YLPM1: variants seen among roughly 807,000 people sequenced by gnomAD.
The protein encoded by YLPM1 is YLP motif containing 1, also known as YLP motif-containing protein 1.
Under a neutral mutation model 230.0 loss-of-function variants are expected in YLPM1, and 99 were observed. The observed-to-expected ratio is 0.43, with a 90% CI of 0.37 to 0.51. YLPM1 has a LOEUF of 0.51. Ranked by LOEUF, YLPM1 falls within the 20% of genes least tolerant of loss-of-function variation. The pLI is 0.00. For missense variants in YLPM1, 2,592 were observed against 2,707.7 expected, an observed-to-expected ratio of 0.96 and a Z score of 0.95; for synonymous variants, 984 against 942.5, an observed-to-expected ratio of 1.04 and a Z score of -0.81.
In YLPM1 at chr14:74,805,425, C is replaced by T. The variant is rs149747687; in HGVS notation, c.4521+2749C>T. Among the ~76,000 whole-genome samples, 889 of 151,968 alleles carry T rather than the reference C, an allele frequency of 5.8e-3. 12 individuals carry two copies. The highest frequency in any genetic ancestry group is 0.021 in the African/African-American group (857 of 41,424). On this transcript the variant is annotated intron_variant, in intron 6 of 20. Transcript: ENST00000325680. Reference sequence around the variant, plus strand: ...GTGGTACAATCATAGCTCACTGGAGCCTCAAACTCCTGGGCTCAAGTGATT... The same window carrying T: ...GTGGTACAATCATAGCTCACTGGAGTCTCAAACTCCTGGGCTCAAGTGATT...
chr14:74,812,823 A>C (rs1485497636), intron 11 of YLPM1, 41 bp downstream of exon 11: 1 of 1,581,664 alleles, frequency 6.3e-7, no homozygotes, highest in Middle Eastern at 1.7e-4. Context: ...GCAAACCAGA[A>C]GATAAGAGAT....
chr14:74,780,133 G>T (rs1488047593), intron 2 of YLPM1, among the ~76,000 whole-genome samples: 1 of 151,962 alleles, frequency 6.6e-6, no homozygotes, highest in Admixed American at 6.6e-5. Context: ...GAAAATTGTT[G>T]TCATATTTAG....
Position 74,810,245 on chromosome 14 carries a change from C to T in YLPM1, c.5053C>T (p.Arg1685Cys), listed in dbSNP as rs375972308. The T allele has an allele frequency of 1.1e-4, 181 of 1,613,290 alleles. No individual in the cohort carries two copies. Among genetic ancestry groups the T allele is most frequent in the Non-Finnish European group, 1.4e-4 (168 of 1,179,764 alleles). ...FETEHAGQRD[R>C]YDRERDREPY... Reference sequence around the variant, plus strand: ...TGTAGAGCATGCAGGCCAACGTGATCGTTATGATAGAGAAAGAGATCGTGA... The same window carrying T: ...TGTAGAGCATGCAGGCCAACGTGATTGTTATGATAGAGAAAGAGATCGTGA... The change falls in exon 9 of 21, where the codon CGT (arginine) becomes TGT (cysteine). Residue 1685 changes from arginine to cysteine, a missense_variant. Arg to Cys is a radical substitution (Grantham distance 180). Transcript: ENST00000325680.
At chr14:74,793,460 T>A (rs1450345733) in intron 4 of YLPM1, among the ~76,000 whole-genome samples, 1 of 152,212 alleles carries the variant, frequency 6.6e-6, no homozygotes, top group Admixed American at 6.5e-5. Flanking sequence ...TGATCTTTTT[T>A]ATAAATAGCA....
In YLPM1 at chr14:74,781,692, C is replaced by G; in HGVS notation, c.1649C>G (p.Ala550Gly). The G allele has an allele frequency of 6.2e-7, 1 of 1,612,978 alleles. No homozygotes were observed. Among genetic ancestry groups the G allele is most frequent in the Non-Finnish European group, 8.5e-7 (1 of 1,179,606 alleles). ...TTGCCACCACCAGTGATGCCCCCTG[C>G]CCTCCCTGCTACAGTGCCACCACCT... ...PSLPPPVMPP[A>G]LPATVPPPGM... The change falls in exon 4 of 21, where the codon GCC becomes GGC. Residue 550 changes from alanine (A) to glycine (G), a missense_variant. By Grantham distance (60) the Ala-to-Gly change is moderately conservative (BLOSUM62 0). Coordinates refer to ENST00000325680, the MANE Select transcript of YLPM1 (RefSeq NM_019589.3).
chr14:74,766,560 C>T (rs181688164), intron 1 of YLPM1, among the ~76,000 whole-genome samples: 140 of 151,796 alleles, frequency 9.2e-4, no homozygotes, highest in Middle Eastern at 3.5e-3. Context: ...AGTCTCAGTT[C>T]ACTGCAACCT....
chr14:74,776,446 C>T (rs2091039411), intron 1 of YLPM1, among the ~76,000 whole-genome samples: 1 of 152,296 alleles, frequency 6.6e-6, no homozygotes, highest in East Asian at 1.9e-4. Context: ...ACAAAGCTGA[C>T]CTAACACAGA....
rs563933548 is a variant in YLPM1, at chr14:74,826,670, G to A, written c.6163+2363G>A. Among the ~76,000 whole-genome samples, 10 of 152,332 alleles carry A rather than the reference G, an allele frequency of 6.6e-5. No individual in the cohort carries two copies. In the East Asian group the frequency reaches 1.9e-3, roughly 29 times the overall value. ...TGTGCCTGAATGTTAAATTGGAAGT[G>A]ATGTGATTTTTAGAACAGTTCAGAA... is the stretch of plus-strand genomic sequence containing the variant. On this transcript the variant is annotated intron_variant, in intron 18 of 20. Coordinates refer to ENST00000325680, the MANE Select transcript of YLPM1 (RefSeq NM_019589.3).
intron 19 of YLPM1, chr14:74,834,790 T>G (rs1344227378): frequency 6.4e-6 from 1 of 156,952 alleles, no homozygotes; most frequent in African/African-American, 2.4e-5. Flanking sequence ...GAAAGTGTAG[T>G]TGGGGCCAGA....
intron 6 of YLPM1, among the ~76,000 whole-genome samples, chr14:74,804,881 A>T (rs1421067936): frequency 6.6e-6 from 1 of 152,076 alleles, no homozygotes; most frequent in Non-Finnish European, 1.5e-5. Context: ...ATGCTATATT[A>T]TTTTTTGATT....
intron 19 of YLPM1, among the ~76,000 whole-genome samples, chr14:74,831,646 G>C (rs17782749): frequency 0.15 from 22,406 of 152,138 alleles, 1,807 homozygotes; most frequent in South Asian, 0.29. Context: ...TCCTCTTTAA[G>C]TCTCCTCCCC....
At chr14:74,796,167 A>G (rs1021155742) in intron 4 of YLPM1, among the ~76,000 whole-genome samples, 2 of 152,232 alleles carry the variant, frequency 1.3e-5, no homozygotes, top group Non-Finnish European at 2.9e-5. Flanking sequence ...GAAGACCACC[A>G]GTAGTCTCTG....
At chr14:74,825,098 G>A (rs1246215233) in intron 18 of YLPM1, among the ~76,000 whole-genome samples, 1 of 152,132 alleles carries the variant, frequency 6.6e-6, no homozygotes, top group Non-Finnish European at 1.5e-5. Flanking sequence ...ACTGATGTAT[G>A]AAGTATGACT....
chr14:74,809,225 AT>A lies in YLPM1; in HGVS notation c.4522-147del, dbSNP rs199916917. Among the ~76,000 whole-genome samples, 1,503 of 150,944 alleles carry A rather than the reference AT, an allele frequency of 1.0e-2. 24 individuals carry two copies. The highest frequency in any genetic ancestry group is 0.034 in the African/African-American group (1,399 of 41,188). On this transcript the variant is annotated intron_variant, in intron 6 of 20. Transcript: ENST00000325680. ...TTCTCCCTTTCTGTGGCTTGTCCTC[AT>A]TTTTTTTGATGGTATGTTTTGAAGC...
chr14:74,812,410 A>C (rs1298008134), intron 10 of YLPM1, among the ~76,000 whole-genome samples: 1 of 152,210 alleles, frequency 6.6e-6, no homozygotes, highest in African/African-American at 2.4e-5. Flanking sequence ...AGTGTTTTGC[A>C]GAACATTCTA....
intron 5 of YLPM1, among the ~76,000 whole-genome samples, chr14:74,802,174 C>T (rs7154094): frequency 0.029 from 4,364 of 148,532 alleles, 143 homozygotes; most frequent in African/African-American, 0.08. Context: ...GCTGAGATCG[C>T]GCCATTGCAC....
chr14:74,821,880 G>T (rs1195970191), intron 17 of YLPM1: 3 of 152,142 alleles, frequency 2.0e-5, no homozygotes, highest in Non-Finnish European at 4.4e-5. Flanking sequence ...ATATTACTCG[G>T]TTTATTTAAT....
rs1464594312 is a variant in YLPM1, at chr14:74,798,955, G to A, written c.3658G>A (p.Asp1220Asn). ...NAPMERERLD[D>N]WDRERYWREC... ...TCCAATGGAACGAGAAAGACTCGAT[G>A]ACTGGGATAGAGAGAGATACTGGAG... Residue 1220 changes from aspartate (D) to asparagine (N), a missense_variant, in exon 5 of 21, where the codon GAC becomes AAC. Transcript: ENST00000325680. 6.2e-7 allele frequency: 1 copy of A among 1,613,802 alleles called. No homozygotes were observed. The highest frequency in any genetic ancestry group is 1.1e-5 in the South Asian group (1 of 91,054).
At position 74,764,228 on chromosome 14, in the gene YLPM1, C is replaced by G. The variant is rs1326090319; in HGVS notation, c.739C>G (p.Pro247Ala). ...CCATTCTAAATCCCAACTACTAGCT[C>G]CACCACCACCGTCCGCCCCCCCTGG... is the stretch of plus-strand genomic sequence containing the variant. Reference protein sequence around the residue: ...QGHSKSQLLAPPPPSAPPGNK... With the variant: ...QGHSKSQLLAAPPPSAPPGNK... Residue 247 changes from proline (P) to alanine (A), a missense_variant, in exon 1 of 21, where the codon CCA becomes GCA. This residue lies in a region of YLPM1 where 1,862 missense variants were observed against 1,819.8 expected (regional missense o/e 1.02). Transcript: ENST00000325680. 22 of 1,613,878 alleles carry G rather than the reference C, an allele frequency of 1.4e-5. No individual in the cohort carries two copies. Among genetic ancestry groups the G allele is most frequent in the Non-Finnish European group, 1.9e-5 (22 of 1,179,880 alleles).
Sources: allele counts gnomAD v4.1 joint callset (sites outside exome capture counted in the v4.1 genomes callset), GRCh38; gene constraint gnomAD v4.1.1; regional missense constraint gnomAD v4.1.1; transcripts MANE v1.5; gene names NCBI Gene and HGNC (gene_info 2026-07-23, HGNC 2026-07-21).